BMP7: variants seen among roughly 807,000 people sequenced by gnomAD.
BMP7 encodes bone morphogenetic protein 7.
Under a neutral mutation model 41.2 loss-of-function variants are expected in BMP7, and 12 were observed. That is an observed-to-expected ratio of 0.29 (90% CI 0.19 to 0.47). The LOEUF (loss-of-function observed/expected upper bound fraction) is 0.47. Among genes scored for constraint, BMP7 ranks in the 20% least tolerant of loss-of-function variants. The probability of loss-of-function intolerance (pLI) is 0.99; values close to 1 mark genes in which losing one functional copy is unlikely to be tolerated. For missense variants in BMP7, 467 were observed against 606.0 expected (o/e 0.77, Z 2.41); for synonymous variants, 248 against 250.0 (o/e 0.99, Z 0.07).
intron 2 of BMP7, among the ~76,000 whole-genome samples, chr20:57,210,357 C>T (rs1984849736): frequency 6.6e-6 from 1 of 152,192 alleles, no homozygotes; most frequent in Non-Finnish European, 1.5e-5. Context: ...CCAGTGTCTC[C>T]CAGCCCACCT....
chr20:57,207,816 T>G (rs1399442480), intron 2 of BMP7, among the ~76,000 whole-genome samples: 2 of 32,648 alleles, frequency 6.1e-5, no homozygotes, highest in Non-Finnish European at 1.4e-4. Flanking sequence ...AGTTGGTTTT[T>G]TTTTTTTTTT....
chr20:57,247,841 C>T (rs1181357872), intron 1 of BMP7, among the ~76,000 whole-genome samples: 1 of 152,212 alleles, frequency 6.6e-6, no homozygotes, highest in Non-Finnish European at 1.5e-5. Context: ...CCAGCCTCTG[C>T]TTCCTCCCAG....
intron 4 of BMP7, among the ~76,000 whole-genome samples, chr20:57,180,354 C>T (rs1480946394): frequency 1.3e-5 from 2 of 151,648 alleles, no homozygotes; most frequent in African/African-American, 4.9e-5. Context: ...CAGGAAACCC[C>T]ACAGCACAGG....
Position 57,228,455 on chromosome 20 carries a change from C to G in BMP7, c.419-34G>C. 6.2e-7 allele frequency: 1 copy of G among 1,607,514 alleles called. No homozygotes were observed. The highest frequency in any genetic ancestry group is 1.3e-5 in the African/African-American group (1 of 74,908). Reference sequence around the variant, plus strand: ...GGAAGAGAACACACACCAACACCGACAGCTCATTAGTGTCTGGGTTTCACT... The same window carrying G: ...GGAAGAGAACACACACCAACACCGAGAGCTCATTAGTGTCTGGGTTTCACT... On this transcript the variant is annotated intron_variant, in intron 1 of 6. Transcript: ENST00000395863. This position sits in a 1 kb window ranked among gnomAD's most constrained non-coding sequence, Gnocchi z 4.5.
At chr20:57,237,790 C>CTGAAT (rs2066053348) in intron 1 of BMP7, among the ~76,000 whole-genome samples, 1 of 152,176 alleles carries the variant, frequency 6.6e-6, no homozygotes, top group African/African-American at 2.4e-5. Context: ...TGTACTCATT[C>CTGAAT]AACAAGGACT....
chr20:57,241,393 G>A (rs1202299777), intron 1 of BMP7, among the ~76,000 whole-genome samples: 3 of 152,200 alleles, frequency 2.0e-5, no homozygotes, highest in Non-Finnish European at 2.9e-5. Context: ...CCTTGAGGGA[G>A]GGAGGCTGAC....
At chr20:57,242,748 A>C (rs2066074564) in intron 1 of BMP7, among the ~76,000 whole-genome samples, 1 of 152,212 alleles carries the variant, frequency 6.6e-6, no homozygotes. Context: ...CATGCCTGTA[A>C]TCCCAGCACT....
At chr20:57,199,773 A>T (rs146173218) in intron 3 of BMP7, among the ~76,000 whole-genome samples, 2,505 of 152,254 alleles carry the variant, frequency 0.016, 36 homozygotes, top group Non-Finnish European at 0.025. Context: ...CCTCCCTGAC[A>T]ATCCAAGTGG....
chr20:57,183,253 G>A (rs1187587053), intron 4 of BMP7, among the ~76,000 whole-genome samples: 2 of 151,948 alleles, frequency 1.3e-5, no homozygotes, highest in African/African-American at 2.4e-5. Flanking sequence ...AAAAATGTGT[G>A]TGTGTGTATA....
intron 4 of BMP7, among the ~76,000 whole-genome samples, chr20:57,182,230 G>A (rs1176107123): frequency 6.6e-6 from 1 of 152,220 alleles, no homozygotes; most frequent in Non-Finnish European, 1.5e-5. Context: ...CAGGGGGCAT[G>A]AGCCAGGCAA....
intron 2 of BMP7, among the ~76,000 whole-genome samples, chr20:57,210,196 C>T (rs185618256): frequency 5.9e-5 from 9 of 152,334 alleles, no homozygotes; most frequent in African/African-American, 1.9e-4. Flanking sequence ...CCAATGCCGC[C>T]GCACTAAGAG....
Position 57,251,415 on chromosome 20 carries a change from G to C in BMP7, c.418+14290C>G, listed in dbSNP as rs141790502. Among the ~76,000 whole-genome samples the C allele has an allele frequency of 9.5e-3, 1,445 of 152,308 alleles. 17 individuals are homozygous for C. Among genetic ancestry groups the C allele is most frequent in the African/African-American group, 0.033 (1,363 of 41,566 alleles). ...TTTTTCAAAAACACAGGAGAACAGGGTGCTGGGACCAAGCAAACGCAGGAA... is the reference window on the plus strand; with the variant it reads ...TTTTTCAAAAACACAGGAGAACAGGCTGCTGGGACCAAGCAAACGCAGGAA... On this transcript the variant is annotated intron_variant, in intron 1 of 6. Transcript: ENST00000395863.
At chr20:57,200,949 T>C (rs554564410) in intron 3 of BMP7, among the ~76,000 whole-genome samples, 1 of 152,310 alleles carries the variant, frequency 6.6e-6, no homozygotes, top group South Asian at 2.1e-4. Flanking sequence ...CCAGGAGAGC[T>C]GGGTATGTCA....
intron 3 of BMP7, among the ~76,000 whole-genome samples, chr20:57,199,747 C>T (rs894494625): frequency 6.6e-6 from 1 of 152,212 alleles, no homozygotes. Flanking sequence ...GCCAACTGGC[C>T]ATTATACACT....
intron 1 of BMP7, among the ~76,000 whole-genome samples, chr20:57,239,489 A>T (rs910471350): frequency 3.3e-5 from 5 of 152,146 alleles, no homozygotes; most frequent in African/African-American, 1.2e-4. Flanking sequence ...TTCCAGGCAC[A>T]CGGTTCAAGC....
At chr20:57,256,690 C>T (rs993934495) in intron 1 of BMP7, among the ~76,000 whole-genome samples, 4 of 151,822 alleles carry the variant, frequency 2.6e-5, no homozygotes, top group African/African-American at 9.7e-5. Context: ...GCCAACATGG[C>T]GAAACCCCAT....
rs551913960 is a variant in BMP7, at chr20:57,221,991, C to T, written c.611+6238G>A. Among the ~76,000 whole-genome samples the T allele has an allele frequency of 3.1e-3, 475 of 152,260 alleles. 1 individual carries two copies. Among genetic ancestry groups the T allele is most frequent in the African/African-American group, 0.011 (453 of 41,558 alleles). ...GACAAGTGTCATGGGAGAGAGGAGG[C>T]TCCAAGATCGCATTGTGGACCCAGC... On this transcript the variant is annotated intron_variant, in intron 2 of 6. Transcript: ENST00000395863.
At chr20:57,240,944 G>A (rs62205690) in intron 1 of BMP7, among the ~76,000 whole-genome samples, 1 of 152,076 alleles carries the variant, frequency 6.6e-6, no homozygotes, top group Non-Finnish European at 1.5e-5. Flanking sequence ...CCATCCTGAT[G>A]GCTGTGAGGT....
At chr20:57,182,022 G>A (rs1478353313) in intron 4 of BMP7, among the ~76,000 whole-genome samples, 1 of 152,208 alleles carries the variant, frequency 6.6e-6, no homozygotes, top group African/African-American at 2.4e-5. Flanking sequence ...CCAGAGAAAC[G>A]GCACCCCCGG....
Sources: allele counts gnomAD v4.1 joint callset (sites outside exome capture counted in the v4.1 genomes callset), GRCh38; gene constraint gnomAD v4.1.1; non-coding constraint Gnocchi (gnomAD v3.1); transcripts MANE v1.5; gene names NCBI Gene and HGNC (gene_info 2026-07-23, HGNC 2026-07-21).